The following VWA8 variants were observed in gnomAD, a reference collection of about 807,000 sequenced individuals.
VWA8 encodes von Willebrand factor A domain-containing protein 8.
A neutral mutation model predicts 241.5 loss-of-function variants in VWA8; 221 were observed. The ratio of observed to expected loss-of-function variants is 0.91; its 90% CI spans 0.82 to 1.02. VWA8 has a LOEUF of 1.02. Ranked by LOEUF, VWA8 falls within the 50% of genes least tolerant of loss-of-function variation. The pLI is 0.00. For missense variants in VWA8, 2,322 were observed against 2,328.7 expected (o/e 1.00, Z 0.06); for synonymous variants, 852 against 827.1 (o/e 1.03, Z -0.52).
intron 2 of VWA8, among the ~76,000 whole-genome samples, chr13:41,942,093 C>G (rs577509494): frequency 1.3e-5 from 2 of 152,142 alleles, no homozygotes; most frequent in Non-Finnish European, 2.9e-5. Flanking sequence ...GTGCCCATGG[C>G]ATGTAAGTTA....
At chr13:41,950,720 G>A (rs191993512) in intron 1 of VWA8, among the ~76,000 whole-genome samples, 1 of 146,112 alleles carries the variant, frequency 6.8e-6, no homozygotes, top group Non-Finnish European at 1.5e-5. Context: ...CCAGGCTGGA[G>A]TGCAGTGATG....
chr13:41,670,499 AT>A lies in VWA8; in HGVS notation c.4611+446del, dbSNP rs141998381. Among the ~76,000 whole-genome samples, 805 of 152,198 alleles carry A rather than the reference AT, an allele frequency of 5.3e-3. 5 individuals carry two copies. Among genetic ancestry groups the A allele is most frequent in the African/African-American group, 0.019 (768 of 41,510 alleles). ...TGATAAAAAACGTTCTATTGGATGC[AT>A]ATTTTTGCTCACCTTCTCTAGTTTA... is the stretch of plus-strand genomic sequence containing the variant. On this transcript the variant is annotated intron_variant, in intron 37 of 44. Coordinates refer to ENST00000379310, the MANE Select transcript of VWA8 (RefSeq NM_015058.2).
Position 41,912,159 on chromosome 13 carries a change from G to A in VWA8, c.251C>T (p.Ser84Phe), listed in dbSNP as rs1305132611. ...ATGCTGAACTACAGATTGAGCCAGA[G>A]AGTCTGAAACTATAAAGAAAAAAGA... ...ELVPQNYISD[S>F]LAQSVVQHLR... is the part of the protein sequence containing the mutation. The change falls in exon 3 of 45, where the codon TCT becomes TTT. Residue 84 changes from serine (S) to phenylalanine (F), a missense_variant. Coordinates refer to ENST00000379310, the MANE Select transcript of VWA8 (RefSeq NM_015058.2). The A allele has an allele frequency of 5.0e-6, 8 of 1,598,066 alleles. No homozygotes were observed. The highest frequency in any genetic ancestry group is 6.8e-6 in the Non-Finnish European group (8 of 1,171,480).
chr13:41,809,033 A>G (rs1424314096), intron 17 of VWA8, among the ~76,000 whole-genome samples: 1 of 152,030 alleles, frequency 6.6e-6, no homozygotes, highest in Non-Finnish European at 1.5e-5. Context: ...AATAATATAT[A>G]TAAGAATAAA....
intron 2 of VWA8, among the ~76,000 whole-genome samples, chr13:41,938,826 G>T (rs1341268887): frequency 6.6e-6 from 1 of 152,134 alleles, no homozygotes; most frequent in African/African-American, 2.4e-5. Flanking sequence ...CACTTTCCCA[G>T]TGAAGTTTTG....
chr13:41,747,242 C>T (rs2045615072), intron 21 of VWA8, among the ~76,000 whole-genome samples: 1 of 152,134 alleles, frequency 6.6e-6, no homozygotes, highest in Non-Finnish European at 1.5e-5. Flanking sequence ...ATGGAATGTT[C>T]TTCCATTTGT....
chr13:41,648,678 AC>A (rs2044848943), intron 37 of VWA8, among the ~76,000 whole-genome samples: 1 of 152,230 alleles, frequency 6.6e-6, no homozygotes, highest in South Asian at 2.1e-4. Flanking sequence ...ATACAGACCT[AC>A]AAAAACTTTT....
intron 2 of VWA8, among the ~76,000 whole-genome samples, chr13:41,928,580 T>A (rs1876954303): frequency 6.6e-6 from 1 of 151,996 alleles, no homozygotes. Flanking sequence ...TGCCAAAACC[T>A]GTGGGATGTA....
intron 4 of VWA8, among the ~76,000 whole-genome samples, chr13:41,896,569 C>A: frequency 6.6e-6 from 1 of 151,892 alleles, no homozygotes. Flanking sequence ...CAATAAAGAC[C>A]ACATAAATAT....
chr13:41,822,312 A>G (rs941906344), intron 14 of VWA8, among the ~76,000 whole-genome samples: 3 of 152,174 alleles, frequency 2.0e-5, no homozygotes, highest in African/African-American at 7.2e-5. Flanking sequence ...AAATACATCA[A>G]TCATGAGCTA....
intron 37 of VWA8, among the ~76,000 whole-genome samples, chr13:41,641,491 T>TA (rs2044794664): frequency 6.6e-6 from 1 of 152,124 alleles, no homozygotes; most frequent in South Asian, 2.1e-4. Flanking sequence ...CATGGGTAAC[T>TA]TGCCTAGGGT....
chr13:41,726,156 T>C (rs1238194980), intron 24 of VWA8, among the ~76,000 whole-genome samples: 1 of 152,152 alleles, frequency 6.6e-6, no homozygotes, highest in Non-Finnish European at 1.5e-5. Context: ...ATCAGTAAAC[T>C]TATTCTCTTT....
chr13:41,568,338 C>A (rs1388958014), intron 44 of VWA8, 33 bp from the exon 45 acceptor site: 2 of 1,581,512 alleles, frequency 1.3e-6, no homozygotes, highest in Admixed American at 1.7e-5. Context: ...GAAGTTACCA[C>A]TGTAAATGGG....
intron 13 of VWA8, among the ~76,000 whole-genome samples, chr13:41,831,613 G>GTTT (rs71096547): frequency 0.12 from 13,233 of 112,460 alleles, 1,114 homozygotes; most frequent in Non-Finnish European, 0.15. Flanking sequence ...CCAGGCATGA[G>GTTT]TTTTTTTTTT....
chr13:41,706,907 G>A (rs1319408426), intron 26 of VWA8, among the ~76,000 whole-genome samples: 1 of 152,150 alleles, frequency 6.6e-6, no homozygotes, highest in African/African-American at 2.4e-5. Context: ...GAAGGAGAAG[G>A]AACTTAAGGC....
chr13:41,812,622 A>G (rs1166143203), intron 16 of VWA8, among the ~76,000 whole-genome samples: 1 of 152,202 alleles, frequency 6.6e-6, no homozygotes, highest in Admixed American at 6.5e-5. Context: ...GAAGAAAAAA[A>G]TAATTTATTT....
intron 41 of VWA8, among the ~76,000 whole-genome samples, chr13:41,589,937 G>A (rs923023293): frequency 6.6e-6 from 1 of 152,214 alleles, no homozygotes. Context: ...TGTGTGGAGG[G>A]GGACTCACCC....
At chr13:41,710,945 G>A (rs1316438483) in intron 26 of VWA8, among the ~76,000 whole-genome samples, 2 of 152,182 alleles carry the variant, frequency 1.3e-5, no homozygotes, top group African/African-American at 2.4e-5. Flanking sequence ...GCACAACTAT[G>A]TAAATTTTTA....
intron 21 of VWA8, among the ~76,000 whole-genome samples, chr13:41,756,114 A>T (rs2045693310): frequency 6.6e-6 from 1 of 151,786 alleles, no homozygotes; most frequent in Non-Finnish European, 1.5e-5. Flanking sequence ...CCAGGCATAA[A>T]AATGGGAATA....
Sources: allele counts gnomAD v4.1 joint callset (sites outside exome capture counted in the v4.1 genomes callset), GRCh38; gene constraint gnomAD v4.1.1; transcripts MANE v1.5; gene names NCBI Gene and HGNC (gene_info 2026-07-23, HGNC 2026-07-21).